The following CCBE1 variants were observed in gnomAD, a reference collection of about 807,000 sequenced individuals.
CCBE1 encodes collagen and calcium-binding EGF domain-containing protein 1.
A neutral mutation model predicts 50.0 loss-of-function variants in CCBE1; 37 were observed. The ratio of observed to expected loss-of-function variants is 0.74; its 90% CI spans 0.57 to 0.97. The LOEUF (loss-of-function observed/expected upper bound fraction) is 0.97. CCBE1 is among the 50% of genes least tolerant of loss of function. The pLI is 0.00. For synonymous variants in CCBE1, 234 were observed against 203.7 expected (o/e 1.15, Z -1.27); for missense variants, 538 against 523.8 (o/e 1.03, Z -0.26).
intron 2 of CCBE1, among the ~76,000 whole-genome samples, chr18:59,536,256 TG>T (rs1278476332): frequency 1.3e-5 from 2 of 152,180 alleles, no homozygotes; most frequent in Admixed American, 1.3e-4. Context: ...TCTGACGGTG[TG>T]CCATCTGCGA....
intron 2 of CCBE1, among the ~76,000 whole-genome samples, chr18:59,557,565 C>T (rs1167341629): frequency 6.6e-6 from 1 of 152,148 alleles, no homozygotes; most frequent in Non-Finnish European, 1.5e-5. Context: ...TCTGATTGGT[C>T]CCCTCCTGCA....
At chr18:59,677,089 G>A (rs1440248068) in intron 2 of CCBE1, among the ~76,000 whole-genome samples, 2 of 152,114 alleles carry the variant, frequency 1.3e-5, no homozygotes, top group Non-Finnish European at 2.9e-5. Context: ...GTATTTTAAG[G>A]TTCAGGATCA....
chr18:59,649,618 G>A (rs1451342003), intron 2 of CCBE1, among the ~76,000 whole-genome samples: 1 of 152,266 alleles, frequency 6.6e-6, no homozygotes, highest in Non-Finnish European at 1.5e-5. Context: ...GGGACAGAAT[G>A]TGGATTCCCA....
At chr18:59,602,604 A>G (rs1392677746) in intron 2 of CCBE1, among the ~76,000 whole-genome samples, 1 of 152,228 alleles carries the variant, frequency 6.6e-6, no homozygotes, top group African/African-American at 2.4e-5. Flanking sequence ...AAGACATTGG[A>G]TAAAGAGAAA....
chr18:59,576,715 C>T (rs2053002842), intron 2 of CCBE1, among the ~76,000 whole-genome samples: 1 of 152,226 alleles, frequency 6.6e-6, no homozygotes. Flanking sequence ...CAACCTGCCA[C>T]TCCCTCCAAT....
rs769574856 is a variant in CCBE1, at chr18:59,438,146, C to G, written c.952G>C (p.Gly318Arg). 1.9e-6 allele frequency: 3 copies of G among 1,614,090 alleles called. No homozygotes were observed. The South Asian group carries it at 3.3e-5, about 18-fold the overall frequency. Residue 318 changes from glycine to arginine, a missense_variant and splice_region_variant, in exon 10 of 11, where the codon GGG (glycine) becomes CGG (arginine). Gly to Arg is a moderately radical substitution (Grantham distance 125). Transcript: ENST00000439986. Reference protein sequence around the residue: ...PGAPGRDGSKGERGAPGPRGS... With the variant: ...PGAPGRDGSKRERGAPGPRGS... ...CTGGGCCCAGGCGCTCCTCTCTCCCCCTAAAAACAGAAAGGCCAGGGTTAG... is the reference window on the plus strand; with the variant it reads ...CTGGGCCCAGGCGCTCCTCTCTCCCGCTAAAAACAGAAAGGCCAGGGTTAG...
chr18:59,682,784 AG>A (rs2054608184), intron 2 of CCBE1, among the ~76,000 whole-genome samples: 2 of 152,282 alleles, frequency 1.3e-5, no homozygotes, highest in South Asian at 2.1e-4. Flanking sequence ...TTACCCTGAA[AG>A]GGTGAAATTG....
chr18:59,499,421 G>A (rs187644408), intron 2 of CCBE1, among the ~76,000 whole-genome samples: 2 of 152,230 alleles, frequency 1.3e-5, no homozygotes, highest in East Asian at 1.9e-4. Flanking sequence ...AGACATACCT[G>A]AGACTAAGTA....
chr18:59,480,731 C>A (rs1429334595), intron 2 of CCBE1, among the ~76,000 whole-genome samples: 1 of 150,722 alleles, frequency 6.6e-6, no homozygotes, highest in African/African-American at 2.5e-5. Flanking sequence ...GGAACCCAAG[C>A]ATTCTGATTC....
At chr18:59,549,130 G>T (rs961616996) in intron 2 of CCBE1, among the ~76,000 whole-genome samples, 12 of 146,154 alleles carry the variant, frequency 8.2e-5, no homozygotes, top group Admixed American at 7.5e-4. Flanking sequence ...AATTCACTTT[G>T]CATGGTGAGG....
At position 59,537,565 on chromosome 18, in the gene CCBE1, C is replaced by T. The variant is rs1002662646; in HGVS notation, c.213-57327G>A. 2.6e-5 allele frequency among the ~76,000 whole-genome samples: 4 copies of T among 152,188 alleles called. No individual in the cohort carries two copies. In the South Asian group the frequency reaches 8.3e-4, roughly 32 times the overall value. On this transcript the variant is annotated intron_variant, in intron 2 of 10. Transcript: ENST00000439986. Reference sequence around the variant, plus strand: ...GCCTTCCACCATGATTGTGAGGCCTCTTCAGCCACGTGGAACTGTGAGTTC... The same window carrying T: ...GCCTTCCACCATGATTGTGAGGCCTTTTCAGCCACGTGGAACTGTGAGTTC...
chr18:59,574,094 A>T (rs1599026483), intron 2 of CCBE1, among the ~76,000 whole-genome samples: 1 of 152,154 alleles, frequency 6.6e-6, no homozygotes, highest in Non-Finnish European at 1.5e-5. Context: ...AAAAGGCTAC[A>T]CCCAGGTGCC....
At chr18:59,620,173 T>C (rs1052476607) in intron 2 of CCBE1, among the ~76,000 whole-genome samples, 10 of 152,156 alleles carry the variant, frequency 6.6e-5, no homozygotes, top group African/African-American at 2.4e-4. Flanking sequence ...TCCAGGCCCC[T>C]TAGAGCACCC....
At chr18:59,645,825 A>T (rs1217513945) in intron 2 of CCBE1, among the ~76,000 whole-genome samples, 1 of 152,156 alleles carries the variant, frequency 6.6e-6, no homozygotes, top group Non-Finnish European at 1.5e-5. Flanking sequence ...AGATCAGGAG[A>T]TCGAGACCAT....
chr18:59,447,473 T>C (rs1910729740), intron 7 of CCBE1, among the ~76,000 whole-genome samples: 1 of 152,248 alleles, frequency 6.6e-6, no homozygotes, highest in Non-Finnish European at 1.5e-5. Flanking sequence ...ATGTCATTTG[T>C]ATGTCAATAC....
intron 2 of CCBE1, among the ~76,000 whole-genome samples, chr18:59,696,139 TG>T: frequency 6.6e-6 from 1 of 152,164 alleles, no homozygotes; most frequent in South Asian, 2.1e-4. Context: ...ACAATCTTTT[TG>T]TTTTCACTCA....
rs1914826862 is a variant in CCBE1, at chr18:59,526,492, G to A, written c.213-46254C>T. On this transcript the variant is annotated intron_variant, in intron 2 of 10. Coordinates refer to ENST00000439986, the MANE Select transcript of CCBE1 (RefSeq NM_133459.4). ...GCCTAGCTAATTTTCTTTATTTTTA[G>A]TAGAGATGGGATTTCGCCACATTGG... Among the ~76,000 whole-genome samples the A allele has an allele frequency of 4.6e-5, 7 of 152,072 alleles. No homozygotes were observed. In the South Asian group the frequency reaches 1.5e-3, roughly 32 times the overall value.
rs398059300 is a variant in CCBE1, at chr18:59,477,565, T to TGTGTGTGTGC, written c.265+2620_265+2621insGCACACACAC. On this transcript the variant is annotated intron_variant, in intron 3 of 10. Transcript: ENST00000439986. ...GTGTGTGTGTGTGTGTGTGTGTGTG[T>TGTGTGTGTGC]GCACCTGCATGCCAATCTTTGTTTT... Among the ~76,000 whole-genome samples, 25 of 146,198 alleles carry TGTGTGTGTGC rather than the reference T, an allele frequency of 1.7e-4. No individual in the cohort carries two copies. In the South Asian group the frequency reaches 1.7e-3, roughly 10 times the overall value.
intron 7 of CCBE1, among the ~76,000 whole-genome samples, chr18:59,445,903 C>T (rs141172763): frequency 5.4e-4 from 83 of 152,320 alleles, no homozygotes; most frequent in African/African-American, 1.9e-3. Flanking sequence ...AAGCAGCAGC[C>T]GCCCCCTTAC....
Sources: allele counts gnomAD v4.1 joint callset (sites outside exome capture counted in the v4.1 genomes callset), GRCh38; gene constraint gnomAD v4.1.1; transcripts MANE v1.5; gene names NCBI Gene and HGNC (gene_info 2026-07-23, HGNC 2026-07-21).